MARCHF1: variants seen among roughly 807,000 people sequenced by gnomAD.
The protein encoded by MARCHF1 is membrane associated ring-CH-type finger 1.
Under a neutral mutation model 54.2 loss-of-function variants are expected in MARCHF1, and 40 were observed. That is an observed-to-expected ratio of 0.74 (90% CI 0.57 to 0.96). MARCHF1 has a LOEUF of 0.96. MARCHF1 is among the 40% of genes least tolerant of loss of function. The pLI is 0.00. For synonymous variants in MARCHF1, 236 were observed against 236.3 expected, an observed-to-expected ratio of 1.00 and a Z score of 0.01; for missense variants, 586 against 656.5, an observed-to-expected ratio of 0.89 and a Z score of 1.17.
At chr4:163,896,424 T>C (rs1051967680) in intron 3 of MARCHF1, among the ~76,000 whole-genome samples, 3 of 152,186 alleles carry the variant, frequency 2.0e-5, no homozygotes, top group South Asian at 2.1e-4. Context: ...GGTTTGTGTA[T>C]GGTCAAAATA....
intron 1 of MARCHF1, among the ~76,000 whole-genome samples, chr4:164,132,880 A>G (rs1314283849): frequency 1.3e-5 from 2 of 152,098 alleles, no homozygotes; most frequent in South Asian, 2.1e-4. Flanking sequence ...TTAAAAATAT[A>G]TATTATAATC....
chr4:164,373,645 G>A (rs750346728), intron 1 of MARCHF1, among the ~76,000 whole-genome samples: 1 of 151,924 alleles, frequency 6.6e-6, no homozygotes, highest in Non-Finnish European at 1.5e-5. Flanking sequence ...GTGAGTCACC[G>A]TGCCCAGCCC....
chr4:164,158,919 C>A (rs1730156053), intron 1 of MARCHF1, among the ~76,000 whole-genome samples: 1 of 152,146 alleles, frequency 6.6e-6, no homozygotes, highest in Non-Finnish European at 1.5e-5. Context: ...TCCTCCTAAA[C>A]CTGCACCACA....
intron 1 of MARCHF1, among the ~76,000 whole-genome samples, chr4:164,117,603 T>C (rs1429115307): frequency 2.0e-5 from 3 of 151,878 alleles, no homozygotes; most frequent in Admixed American, 2.0e-4. Flanking sequence ...AATAAACACT[T>C]AAAATCAACA....
intron 3 of MARCHF1, among the ~76,000 whole-genome samples, chr4:163,877,868 A>C (rs1750327737): frequency 2.0e-5 from 3 of 152,136 alleles, no homozygotes; most frequent in African/African-American, 7.2e-5. Context: ...CCCTCCAATG[A>C]CTTGGTTACA....
At chr4:164,334,880 A>G (rs1196804816) in intron 1 of MARCHF1, among the ~76,000 whole-genome samples, 2 of 152,186 alleles carry the variant, frequency 1.3e-5, no homozygotes, top group Non-Finnish European at 2.9e-5. Flanking sequence ...GTTTATTCCA[A>G]CCTTCATGGA....
intron 1 of MARCHF1, among the ~76,000 whole-genome samples, chr4:164,296,486 C>A (rs1361262517): frequency 6.6e-6 from 1 of 152,190 alleles, no homozygotes. Context: ...AATTCTGCCT[C>A]AGCTTCCCGA....
intron 3 of MARCHF1, among the ~76,000 whole-genome samples, chr4:163,895,330 C>T (rs964127741): frequency 6.6e-6 from 1 of 152,144 alleles, no homozygotes; most frequent in Admixed American, 6.6e-5. Context: ...TTAAACCCTC[C>T]TCTGAACAGG....
At chr4:164,080,843 T>C (rs930200148) in intron 2 of MARCHF1, among the ~76,000 whole-genome samples, 1 of 151,934 alleles carries the variant, frequency 6.6e-6, no homozygotes, top group Admixed American at 6.6e-5. Flanking sequence ...AAAAAGTCAA[T>C]CCAGTTATTC....
At chr4:164,309,848 T>C (rs1439669746) in intron 1 of MARCHF1, among the ~76,000 whole-genome samples, 1 of 152,196 alleles carries the variant, frequency 6.6e-6, no homozygotes, top group Non-Finnish European at 1.5e-5. Context: ...TATTTTTTAA[T>C]AACTTAATAT....
At chr4:164,101,107 G>A (rs1185182481) in intron 2 of MARCHF1, among the ~76,000 whole-genome samples, 1 of 152,214 alleles carries the variant, frequency 6.6e-6, no homozygotes, top group Non-Finnish European at 1.5e-5. Context: ...GGCTCGGAGG[G>A]TCCTACGCCC....
chr4:163,598,588 G>A (rs1029071656), intron 7 of MARCHF1, among the ~76,000 whole-genome samples: 5 of 152,144 alleles, frequency 3.3e-5, no homozygotes, highest in East Asian at 1.9e-4. Flanking sequence ...GTAACACAAC[G>A]ATAAGTATTT....
intron 2 of MARCHF1, among the ~76,000 whole-genome samples, chr4:164,001,152 A>G (rs1236959423): frequency 6.6e-6 from 1 of 151,842 alleles, no homozygotes; most frequent in Non-Finnish European, 1.5e-5. Context: ...AGGTTAATAT[A>G]TAAATTACCC....
intron 1 of MARCHF1, among the ~76,000 whole-genome samples, chr4:164,166,556 CAAT>C (rs1223491855): frequency 6.6e-6 from 1 of 151,850 alleles, no homozygotes; most frequent in East Asian, 1.9e-4. Context: ...CAGTGGAGAA[CAAT>C]GGAAAGCTTT....
intron 5 of MARCHF1, among the ~76,000 whole-genome samples, chr4:163,645,334 G>C (rs1394214349): frequency 1.3e-5 from 2 of 152,138 alleles, no homozygotes; most frequent in African/African-American, 4.8e-5. Context: ...CGCAGTCCTA[G>C]AGGCAATCAC....
intron 1 of MARCHF1, among the ~76,000 whole-genome samples, chr4:164,328,486 G>T (rs1233952729): frequency 1.3e-5 from 2 of 152,020 alleles, no homozygotes; most frequent in Non-Finnish European, 2.9e-5. Flanking sequence ...CAACTGAAGA[G>T]CAAAGACCAA....
chr4:163,952,759 C>T (rs1025529899), intron 3 of MARCHF1, among the ~76,000 whole-genome samples: 2 of 152,166 alleles, frequency 1.3e-5, no homozygotes, highest in African/African-American at 4.8e-5. Context: ...TTTATCACTG[C>T]ACACCACCAA....
intron 8 of MARCHF1, among the ~76,000 whole-genome samples, chr4:163,573,227 A>T (rs62334063): frequency 0.054 from 8,155 of 151,836 alleles, 579 homozygotes; most frequent in African/African-American, 0.16. Flanking sequence ...GTTTTGTAGG[A>T]CTAGAATTAT....
chr4:164,131,344 C>A (rs1756296888), intron 1 of MARCHF1, among the ~76,000 whole-genome samples: 1 of 151,972 alleles, frequency 6.6e-6, no homozygotes, highest in Non-Finnish European at 1.5e-5. Flanking sequence ...GTTTAATTTT[C>A]CATAAACAAC....
Sources: gnomAD v4.1 joint callset for allele counts (sites outside exome capture counted in the v4.1 genomes callset) on GRCh38, gnomAD v4.1.1 for gene constraint, MANE v1.5 for transcripts, NCBI Gene and HGNC (gene_info 2026-07-23, HGNC 2026-07-21) for gene names.